CFHR4: variants seen among roughly 807,000 people sequenced by gnomAD.
CFHR4 encodes the protein complement factor H related 4.
A neutral mutation model predicts 69.3 loss-of-function variants in CFHR4; 64 were observed. The ratio of observed to expected loss-of-function variants is 0.92; its 90% CI spans 0.76 to 1.14. The LOEUF is 1.14. Among genes scored for constraint, CFHR4 ranks in the 50% most tolerant of loss-of-function variants. The pLI, the probability that CFHR4 is intolerant of heterozygous loss-of-function variation, is 0.00. For synonymous variants in CFHR4, 244 were observed against 237.0 expected, an observed-to-expected ratio of 1.03 and a Z score of -0.27; for missense variants, 636 against 684.9, an observed-to-expected ratio of 0.93 and a Z score of 0.80.
chr1:196,892,168 TAGG>T (rs1436572779), intron 1 of CFHR4, among the ~76,000 whole-genome samples: 1 of 151,594 alleles, frequency 6.6e-6, no homozygotes, highest in Admixed American at 6.6e-5. Flanking sequence ...CCATACTACG[TAGG>T]AGAAGTGGAT....
chr1:196,915,752 A>G (rs1658582459), intron 9 of CFHR4, among the ~76,000 whole-genome samples: 1 of 151,710 alleles, frequency 6.6e-6, no homozygotes, highest in Admixed American at 6.6e-5. Context: ...AATGGATACA[A>G]TGAGTCTTCA....
At chr1:196,913,157 A>C (rs1330516688) in intron 7 of CFHR4, among the ~76,000 whole-genome samples, 1 of 151,608 alleles carries the variant, frequency 6.6e-6, no homozygotes, top group African/African-American at 2.4e-5. Flanking sequence ...CATAAAAGCA[A>C]TCTTATCATG....
intron 7 of CFHR4, among the ~76,000 whole-genome samples, chr1:196,913,123 C>T (rs1284426380): frequency 6.6e-6 from 1 of 151,538 alleles, no homozygotes; most frequent in African/African-American, 2.4e-5. Flanking sequence ...ATCATTTCAT[C>T]TCTTACAACT....
At chr1:196,902,826 A>G (rs1301755437) in intron 2 of CFHR4, among the ~76,000 whole-genome samples, 5 of 151,536 alleles carry the variant, frequency 3.3e-5, no homozygotes, top group Non-Finnish European at 5.9e-5. Context: ...ATACCGATAT[A>G]ATTTAAACAT....
At position 196,902,284 on chromosome 1, in the gene CFHR4, G is replaced by A. The variant is rs182275782; in HGVS notation, c.59-134G>A. The A allele has an allele frequency of 8.7e-4, 568 of 651,806 alleles. 11 individuals are homozygous for A. Among genetic ancestry groups the A allele is most frequent in the African/African-American group, 1.7e-3 (93 of 53,958 alleles). The allele number at this position is 651,806 out of a possible 1,614,324, so 40.4% of individuals were successfully genotyped here. The stretch of plus-strand genomic sequence containing the variant: ...CACATATCTAGGTCATTGGATTTCT[G>A]TAACTTTTCTTGCCCTAAAACCCCT... On this transcript the variant is annotated intron_variant, in intron 1 of 9. Transcript: ENST00000608469.
In CFHR4 at chr1:196,918,086, T is replaced by C. The variant is rs184897168; in HGVS notation, c.1541-124T>C. 119 of 1,062,188 alleles carry C rather than the reference T, an allele frequency of 1.1e-4. 5 individuals carry two copies. The African/African-American group carries it at 1.8e-3, about 16-fold the overall frequency. The allele number at this position is 1,062,188 out of a possible 1,614,324, so 65.8% of individuals were successfully genotyped here. Reference sequence around the variant, plus strand: ...AAAGTCAGTATGTAGCACAAATTAATAACTATTAACTATTTGGATTATTTT... The same window carrying C: ...AAAGTCAGTATGTAGCACAAATTAACAACTATTAACTATTTGGATTATTTT... On this transcript the variant is annotated intron_variant, in intron 9 of 9. Coordinates refer to ENST00000608469, the MANE Select transcript of CFHR4 (RefSeq NM_001201550.3).
At chr1:196,915,930 C>T (rs1220469047) in intron 9 of CFHR4, among the ~76,000 whole-genome samples, 7 of 151,520 alleles carry the variant, frequency 4.6e-5, no homozygotes, top group African/African-American at 1.5e-4. Context: ...GAAATTTTTC[C>T]GGATAGAATA....
intron 2 of CFHR4, among the ~76,000 whole-genome samples, chr1:196,903,628 C>T (rs914091147): frequency 1.3e-5 from 2 of 150,232 alleles, no homozygotes. Flanking sequence ...ACTCCAGACT[C>T]GGTGATAGAG....
intron 1 of CFHR4, among the ~76,000 whole-genome samples, chr1:196,890,542 AT>A (rs1424685200): frequency 2.6e-5 from 4 of 151,654 alleles, no homozygotes; most frequent in Non-Finnish European, 5.9e-5. Context: ...CAGGAAAATT[AT>A]TTTAATTATG....
chr1:196,897,411 C>T (rs1422585952), intron 1 of CFHR4, among the ~76,000 whole-genome samples: 1 of 151,508 alleles, frequency 6.6e-6, no homozygotes, highest in African/African-American at 2.4e-5. Context: ...CTCAATGGAC[C>T]CTCTGCCTTA....
chr1:196,909,209 A>G (rs1169153037), intron 5 of CFHR4, among the ~76,000 whole-genome samples: 1 of 151,490 alleles, frequency 6.6e-6, no homozygotes, highest in Non-Finnish European at 1.5e-5. Flanking sequence ...CTCTTCTCAT[A>G]ATCAAGAACA....
intron 3 of CFHR4, 95 bp from the exon 4 acceptor site, chr1:196,906,765 CT>C (rs1376315779): frequency 7.7e-7 from 1 of 1,303,838 alleles, no homozygotes. Flanking sequence ...TTAGCACACA[CT>C]GATTGGTAAA....
At chr1:196,898,353 T>C (rs1657419148) in intron 1 of CFHR4, among the ~76,000 whole-genome samples, 1 of 151,504 alleles carries the variant, frequency 6.6e-6, no homozygotes, top group Non-Finnish European at 1.5e-5. Context: ...AAATCTGAAA[T>C]TACTTTCTCT....
intron 5 of CFHR4, among the ~76,000 whole-genome samples, chr1:196,909,714 G>C (rs868391126): frequency 4.0e-5 from 6 of 151,256 alleles, no homozygotes; most frequent in African/African-American, 1.5e-4. Context: ...GTTTACCATG[G>C]AAGAACTGGG....
chr1:196,888,789 T>C, intron 1 of CFHR4, among the ~76,000 whole-genome samples: 1 of 151,556 alleles, frequency 6.6e-6, no homozygotes. Context: ...AAGCAGAATA[T>C]ATACTTAACT....
At chr1:196,896,287 G>T (rs12734260) in intron 1 of CFHR4, among the ~76,000 whole-genome samples, 12,849 of 150,586 alleles carry the variant, frequency 0.085, 742 homozygotes, top group South Asian at 0.14. Context: ...CTGTAGCATA[G>T]ACTTTAGGTT....
intron 3 of CFHR4, 85 bp downstream of exon 3, chr1:196,905,375 A>G: frequency 6.4e-7 from 1 of 1,551,706 alleles, no homozygotes; most frequent in Non-Finnish European, 8.8e-7. Flanking sequence ...AAAAGATAGA[A>G]AACACTTTTA....
At chr1:196,894,993 G>A (rs577958072) in intron 1 of CFHR4, among the ~76,000 whole-genome samples, 9 of 151,580 alleles carry the variant, frequency 5.9e-5, no homozygotes, top group South Asian at 4.2e-4. Flanking sequence ...CCAGGAGGTC[G>A]AGGCTACAGT....
At chr1:196,904,741 G>A (rs1306293283) in intron 2 of CFHR4, among the ~76,000 whole-genome samples, 3 of 151,470 alleles carry the variant, frequency 2.0e-5, no homozygotes, top group East Asian at 3.9e-4. Context: ...CCTGGGAAAT[G>A]GCATTTGACT....
Sources: gnomAD v4.1 joint callset for allele counts (sites outside exome capture counted in the v4.1 genomes callset) on GRCh38, gnomAD v4.1.1 for gene constraint, MANE v1.5 for transcripts, NCBI Gene and HGNC (gene_info 2026-07-23, HGNC 2026-07-21) for gene names.